Variants in PAPOLA observed in about 807,000 individuals in gnomAD.
The protein encoded by PAPOLA is polynucleotide adenylyltransferase alpha.
In PAPOLA, 15 loss-of-function variants were observed where a neutral mutation model predicts 100.6. The observed-to-expected ratio is 0.15, with a 90% confidence interval of 0.10 to 0.23. The LOEUF (loss-of-function observed/expected upper bound fraction) is 0.23, where lower values mean the gene tolerates loss of function less well. Ranked by LOEUF, PAPOLA falls within the 10% of genes least tolerant of loss-of-function variation. The probability of loss-of-function intolerance (pLI) is 1.00; values close to 1 mark genes in which losing one functional copy is unlikely to be tolerated. For synonymous variants in PAPOLA, 293 were observed against 300.0 expected, an observed-to-expected ratio of 0.98 and a Z score of 0.24; for missense variants, 533 against 884.2, an observed-to-expected ratio of 0.60 and a Z score of 5.04.
At chr14:96,523,891 C>G (rs541536220) in intron 3 of PAPOLA, among the ~76,000 whole-genome samples, 1 of 150,766 alleles carries the variant, frequency 6.6e-6, no homozygotes. Flanking sequence ...TGCAGTAAGC[C>G]GAGATTGCGC....
At chr14:96,535,154 A>C in intron 10 of PAPOLA, 1 of 942,308 alleles carries the variant, frequency 1.1e-6, no homozygotes, top group Non-Finnish European at 1.3e-6. Context: ...GCACTTTATA[A>C]ACTGATAAAA....
chr14:96,535,737 C>A, intron 10 of PAPOLA, 142 bp from the exon 11 acceptor site: 1 of 815,658 alleles, frequency 1.2e-6, no homozygotes, highest in Non-Finnish European at 1.7e-6. Flanking sequence ...AACAATGTCT[C>A]TCTACATGGT....
chr14:96,555,869 G>A lies in PAPOLA; in HGVS notation c.1687G>A (p.Val563Ile), dbSNP rs1235665567. ...TAGCAGAAACAGTCCTGCTCCAGCT[G>A]TAACAGCAGCATCTGTGACCAACAT... ...SQGRNSPAPA[V>I]TAASVTNIQA... Residue 563 changes from valine (V) to isoleucine (I), a missense_variant, in exon 18 of 22, where the codon GTA becomes ATA. Transcript: ENST00000216277. 4 of 1,599,298 alleles carry A rather than the reference G, an allele frequency of 2.5e-6. No individual in the cohort carries two copies. The highest frequency in any genetic ancestry group is 1.7e-6 in the Non-Finnish European group (2 of 1,169,716).
chr14:96,551,724 C>G (rs186195806), intron 16 of PAPOLA, among the ~76,000 whole-genome samples: 37 of 152,238 alleles, frequency 2.4e-4, no homozygotes, highest in African/African-American at 8.2e-4. Context: ...AACTCTGTTA[C>G]TAGAAAGCAA....
At position 96,548,536 on chromosome 14, in the gene PAPOLA, A is replaced by C. The variant is rs1900576087; in HGVS notation, c.1521+618A>C. ...CAGATACAAATTACGTTTTTTCTTT[A>C]AGTGATTTCAAAAATAGATGGTTTA... On this transcript the variant is annotated intron_variant, in intron 16 of 21. Transcript: ENST00000216277. Among the ~76,000 whole-genome samples, 4 of 152,152 alleles carry C rather than the reference A, an allele frequency of 2.6e-5. No homozygotes were observed. In the South Asian group the frequency reaches 8.4e-4, roughly 32 times the overall value.
At chr14:96,538,735 T>A (rs1595536566) in intron 12 of PAPOLA, among the ~76,000 whole-genome samples, 1 of 152,010 alleles carries the variant, frequency 6.6e-6, no homozygotes, top group South Asian at 2.1e-4. Context: ...AAGTGATGAC[T>A]ATCATTAGGC....
chr14:96,536,247 A>G (rs1899517119), intron 11 of PAPOLA, among the ~76,000 whole-genome samples: 1 of 152,130 alleles, frequency 6.6e-6, no homozygotes, highest in African/African-American at 2.4e-5. Context: ...TTAGTTGCAT[A>G]CTATTGCCTT....
chr14:96,556,529 T>C (rs1038015757), intron 19 of PAPOLA, 116 bp downstream of exon 19: 5 of 724,052 alleles, frequency 6.9e-6, no homozygotes, highest in Non-Finnish European at 9.5e-6. Context: ...ACAAAGCTTT[T>C]AGAAAATTTT....
chr14:96,530,808 A>G (rs1898938720), intron 6 of PAPOLA, among the ~76,000 whole-genome samples: 1 of 152,118 alleles, frequency 6.6e-6, no homozygotes, highest in Non-Finnish European at 1.5e-5. Context: ...TTTAAGGAAA[A>G]TTAGGTTTTT....
In PAPOLA at chr14:96,531,504, G is replaced by A; in HGVS notation, c.525G>A (p.Leu175=). The part of the protein sequence containing the change: ...EIDILFARLA[L]QTIPEDLDLR... Reference sequence around the variant, plus strand: ...ATATTTTGTTTGCAAGATTAGCACTGCAGACAATTCCTGAAGATTTGGATC... The same window carrying A: ...ATATTTTGTTTGCAAGATTAGCACTACAGACAATTCCTGAAGATTTGGATC... Residue 175 remains leucine, a synonymous_variant, in exon 7 of 22, where the codon CTG becomes CTA. Coordinates refer to ENST00000216277, the MANE Select transcript of PAPOLA (RefSeq NM_032632.5). 1 of 1,610,498 alleles carries A rather than the reference G, an allele frequency of 6.2e-7. No homozygotes were observed. The highest frequency in any genetic ancestry group is 8.5e-7 in the Non-Finnish European group (1 of 1,177,494).
intron 17 of PAPOLA, among the ~76,000 whole-genome samples, chr14:96,555,567 G>C (rs1026314775): frequency 2.0e-5 from 3 of 152,088 alleles, no homozygotes; most frequent in African/African-American, 7.2e-5. Context: ...GAGTAGCTAT[G>C]TTTTAATAGT....
At chr14:96,508,968 T>G (rs1017270272) in intron 1 of PAPOLA, among the ~76,000 whole-genome samples, 1 of 152,216 alleles carries the variant, frequency 6.6e-6, no homozygotes, top group Non-Finnish European at 1.5e-5. Context: ...TGTTGCATTG[T>G]CATTCCAGTA....
intron 1 of PAPOLA, among the ~76,000 whole-genome samples, chr14:96,519,717 A>G (rs1371097826): frequency 6.6e-6 from 1 of 152,192 alleles, no homozygotes; most frequent in Non-Finnish European, 1.5e-5. Context: ...GCATTTCTGT[A>G]GCGTGTTTAT....
intron 17 of PAPOLA, among the ~76,000 whole-genome samples, chr14:96,554,709 C>T (rs1595555222): frequency 6.6e-6 from 1 of 151,910 alleles, no homozygotes; most frequent in Non-Finnish European, 1.5e-5. Context: ...GTAATAAAAC[C>T]GTGAATTTAT....
At chr14:96,504,552 T>C (rs1438553029) in intron 1 of PAPOLA, 5 of 152,208 alleles carry the variant, frequency 3.3e-5, no homozygotes, top group African/African-American at 9.7e-5. Flanking sequence ...AAAACACAAG[T>C]TAGCTGGGCG....
At chr14:96,522,053 TG>T (rs1898014647) in intron 3 of PAPOLA, among the ~76,000 whole-genome samples, 1 of 151,378 alleles carries the variant, frequency 6.6e-6, no homozygotes, top group African/African-American at 2.4e-5. Context: ...CCACCTTCCT[TG>T]GCCTCCCAAA....
chr14:96,511,602 CT>C (rs1260392399), intron 1 of PAPOLA, among the ~76,000 whole-genome samples: 7 of 152,148 alleles, frequency 4.6e-5, no homozygotes, highest in Admixed American at 4.6e-4. Context: ...CAAACTTCTA[CT>C]TTGCACTTGT....
Position 96,547,828 on chromosome 14 carries a change from T to C in PAPOLA, c.1431T>C (p.Phe477=). ...VYRQAINSKM[F]EVDMKIAAMH... ...GGCAAGCAATAAACAGCAAGATGTT[T>C]GAGGTGGATATGAAAATTGCTGCAA... The change falls in exon 16 of 22, where the codon TTT becomes TTC. Residue 477 remains phenylalanine, a synonymous_variant. Transcript: ENST00000216277. 1 of 1,611,166 alleles carries C rather than the reference T, an allele frequency of 6.2e-7. No homozygotes were observed. Among genetic ancestry groups the C allele is most frequent in the Non-Finnish European group, 8.5e-7 (1 of 1,177,898 alleles).
rs554338260 is a variant in PAPOLA at position 96,541,165 on chromosome 14, G to C, written c.1116-1078G>C. On this transcript the variant is annotated intron_variant, in intron 12 of 21. Transcript: ENST00000216277. ...GGCCTCACAGAGTGCTGGGATTACA[G>C]GCGTGAGCCACCACACCCGGCTGAA... 1.1e-3 allele frequency among the ~76,000 whole-genome samples: 170 copies of C among 152,196 alleles called. 1 individual carries two copies. Among genetic ancestry groups the C allele is most frequent in the Non-Finnish European group, 1.2e-3 (85 of 68,040 alleles).
Sources: allele counts gnomAD v4.1 joint callset (sites outside exome capture counted in the v4.1 genomes callset), GRCh38; gene constraint gnomAD v4.1.1; transcripts MANE v1.5; gene names NCBI Gene and HGNC (gene_info 2026-07-23, HGNC 2026-07-21).